MYT1: variants seen among roughly 807,000 people sequenced by gnomAD.
The protein encoded by MYT1 is myelin transcription factor 1.
A neutral mutation model predicts 123.0 loss-of-function variants in MYT1; 23 were observed. That is an observed-to-expected ratio of 0.19 (90% CI 0.13 to 0.26). The LOEUF (loss-of-function observed/expected upper bound fraction) is 0.26, where lower values mean the gene tolerates loss of function less well. Among genes scored for constraint, MYT1 ranks in the 10% least tolerant of loss-of-function variants. The pLI is 1.00. For synonymous variants in MYT1, 518 were observed against 575.3 expected (o/e 0.90, Z 1.43); for missense variants, 1,125 against 1,472.5 (o/e 0.76, Z 3.86).
chr20:64,240,717 G>A lies in MYT1; in HGVS notation c.*269G>A. On this transcript the variant is annotated 3_prime_UTR_variant, in exon 23 of 23. Coordinates refer to ENST00000328439, the MANE Select transcript of MYT1 (RefSeq NM_004535.3). ...TTGTTTTCTGAAAGAAATCTGAAGA[G>A]CAGCTCAAAGTCTCCAGTGGAAGCT... 2.6e-6 allele frequency: 1 copy of A among 380,146 alleles called. No homozygotes were observed. Among genetic ancestry groups the A allele is most frequent in the Non-Finnish European group, 4.7e-6 (1 of 212,018 alleles). 23.5% of individuals were successfully genotyped at this position (380,146 alleles called of 1,614,324 possible).
At position 64,196,998 on chromosome 20, in the gene MYT1, C is replaced by T. The variant is rs1424733118; in HGVS notation, c.1-1864C>T. ...GCATTGCACACGGGCTCAGAGCAGA[C>T]GACATTTGAAGGCTCATAAATGTAA... On this transcript the variant is annotated intron_variant, in intron 2 of 22. Transcript: ENST00000328439. This position sits in a 1 kb window ranked among gnomAD's most constrained non-coding sequence, Gnocchi z 4.3. Among the ~76,000 whole-genome samples the T allele has an allele frequency of 2.6e-5, 4 of 152,232 alleles. No homozygotes were observed. The highest frequency in any genetic ancestry group is 2.1e-4 in the South Asian group (1 of 4,830).
intron 1 of MYT1, among the ~76,000 whole-genome samples, chr20:64,172,502 C>T (rs965370460): frequency 6.6e-6 from 1 of 152,208 alleles, no homozygotes; most frequent in Non-Finnish European, 1.5e-5. Context: ...ATTTTGTCTT[C>T]AAGGCCTCAG....
At chr20:64,205,120 C>T (rs1444045071) in intron 5 of MYT1, 23 bp downstream of exon 5, 16 of 1,612,332 alleles carry the variant, frequency 9.9e-6, no homozygotes, top group Admixed American at 5.0e-5. Context: ...TTGGATCTCA[C>T]GGAGATTCCT....
At chr20:64,227,504 G>C (rs773283893) in intron 17 of MYT1, 27 bp downstream of exon 17, 54 of 1,605,022 alleles carry the variant, frequency 3.4e-5, no homozygotes, top group Non-Finnish European at 4.3e-5. Flanking sequence ...CTCAGGTCCT[G>C]GGCCCCAGGG....
rs576318670 is a variant in MYT1, at chr20:64,240,564, C to T, written c.*116C>T. 1.2e-4 allele frequency: 166 copies of T among 1,402,762 alleles called. No homozygotes were observed. The highest frequency in any genetic ancestry group is 4.0e-4 in the Admixed American group (14 of 35,168). 86.9% of individuals were successfully genotyped at this position (1,402,762 alleles called of 1,614,324 possible). A position where few individuals can be genotyped will look rare whatever the true frequency, so the allele number is the denominator to read the frequency against. Reference sequence around the variant, plus strand: ...CTTCCCGTTTGGGGCCCGGTGTGGCCGCGGGCGGGTTTATCCAAAGGGATG... The same window carrying T: ...CTTCCCGTTTGGGGCCCGGTGTGGCTGCGGGCGGGTTTATCCAAAGGGATG... On this transcript the variant is annotated 3_prime_UTR_variant, in exon 23 of 23. Coordinates refer to ENST00000328439, the MANE Select transcript of MYT1 (RefSeq NM_004535.3).
At chr20:64,239,250 G>A (rs918983876) in intron 21 of MYT1, among the ~76,000 whole-genome samples, 1 of 152,222 alleles carries the variant, frequency 6.6e-6, no homozygotes, top group Non-Finnish European at 1.5e-5. Context: ...GAGGCTCTTT[G>A]TGGGGATTTC....
At chr20:64,194,956 C>T (rs1031415561) in intron 2 of MYT1, among the ~76,000 whole-genome samples, 2 of 151,570 alleles carry the variant, frequency 1.3e-5, no homozygotes, top group South Asian at 4.2e-4. Context: ...AGTGCAGTGG[C>T]GTGTTCTCAG....
chr20:64,171,111 G>A (rs561936942), intron 1 of MYT1, among the ~76,000 whole-genome samples: 1 of 150,072 alleles, frequency 6.7e-6, no homozygotes, highest in African/African-American at 2.5e-5. Flanking sequence ...CAGAGATGGG[G>A]TTTTGCCATG....
At chr20:64,239,304 G>C (rs547555878) in intron 21 of MYT1, among the ~76,000 whole-genome samples, 6 of 152,152 alleles carry the variant, frequency 3.9e-5, no homozygotes, top group South Asian at 2.1e-4. Flanking sequence ...TCCACGGGGG[G>C]GTGCAGTGAT....
intron 1 of MYT1, among the ~76,000 whole-genome samples, chr20:64,187,328 C>T (rs1488557679): frequency 6.8e-5 from 10 of 146,664 alleles, no homozygotes; most frequent in East Asian, 6.1e-4. Context: ...TCCACGTTTC[C>T]GTGGAGAGTT....
chr20:64,203,644 C>T lies in MYT1; in HGVS notation c.87-1391C>T, dbSNP rs534498912. ...GAAGGCTGCAGAGAACATCCCCCTC[C>T]CCCACCCCATGGCTGCTGTTGAGCC... On this transcript the variant is annotated intron_variant, in intron 4 of 22. Coordinates refer to ENST00000328439, the MANE Select transcript of MYT1 (RefSeq NM_004535.3). The surrounding 1 kb of genome is among the most constrained non-coding windows in gnomAD (Gnocchi z 5.1). 7.9e-5 allele frequency among the ~76,000 whole-genome samples: 12 copies of T among 152,288 alleles called. 1 individual carries two copies. In the South Asian group the frequency reaches 1.0e-3, roughly 13 times the overall value.
At chr20:64,182,864 C>G (rs1228848550) in intron 1 of MYT1, among the ~76,000 whole-genome samples, 1 of 152,238 alleles carries the variant, frequency 6.6e-6, no homozygotes, top group Non-Finnish European at 1.5e-5. Context: ...CCACATGCCA[C>G]TGTTTAAAAA....
rs1983002576 is a variant in MYT1 at position 64,192,728 on chromosome 20, C to A, written c.-1+2568C>A. On this transcript the variant is annotated intron_variant, in intron 2 of 22. Coordinates refer to ENST00000328439, the MANE Select transcript of MYT1 (RefSeq NM_004535.3). This position sits in a 1 kb window ranked among gnomAD's most constrained non-coding sequence, Gnocchi z 5.3. ...ATGGAATCAAGGAAAAGATCAGTTG[C>A]ATGGCCATTCAGCCAACCCTTCTTC... Among the ~76,000 whole-genome samples the A allele has an allele frequency of 6.6e-6, 1 of 152,222 alleles. No individual in the cohort carries two copies. Among genetic ancestry groups the A allele is most frequent in the Non-Finnish European group, 1.5e-5 (1 of 68,030 alleles).
chr20:64,207,882 C>T lies in MYT1; in HGVS notation c.686C>T (p.Thr229Ile), dbSNP rs780439403. ...EDAEEVVEVTTERSQDLCPQS... is the reference protein window; with the variant it reads ...EDAEEVVEVTIERSQDLCPQS... ...GCCGAGGAGGTCGTCGAAGTCACCA[C>T]CGAGCGCTCCCAGGACCTGTGTCCC... The change falls in exon 7 of 23, where the codon ACC becomes ATC. Residue 229 changes from threonine (T) to isoleucine (I), a missense_variant. By Grantham distance (89) the Thr-to-Ile change is moderately conservative. Around this residue, in one of 4 missense-constraint regions of MYT1, gnomAD observed 406 missense variants for 432.2 expected, o/e 0.94. Coordinates refer to ENST00000328439, the MANE Select transcript of MYT1 (RefSeq NM_004535.3). 7.4e-6 allele frequency: 12 copies of T among 1,613,046 alleles called. No individual in the cohort carries two copies. The highest frequency in any genetic ancestry group is 1.7e-5 in the Admixed American group (1 of 59,934).
At chr20:64,222,596 A>T (rs1034663187) in intron 14 of MYT1, among the ~76,000 whole-genome samples, 8 of 152,234 alleles carry the variant, frequency 5.3e-5, no homozygotes, top group Admixed American at 2.6e-4. Flanking sequence ...GTCAGCCTTC[A>T]TTGCCAGCCA....
At chr20:64,211,454 T>C (rs1983662366) in intron 8 of MYT1, 114 bp downstream of exon 8, 1 of 1,142,334 alleles carries the variant, frequency 8.8e-7, no homozygotes, top group Admixed American at 2.4e-5. Context: ...CCTTCCCCTT[T>C]GGTTTGTCCA....
At chr20:64,206,928 A>G (rs965593859) in intron 6 of MYT1, among the ~76,000 whole-genome samples, 4 of 152,006 alleles carry the variant, frequency 2.6e-5, no homozygotes, top group African/African-American at 9.7e-5. Context: ...TTTTGTTTTG[A>G]GAGAGTCTCA....
At chr20:64,222,689 T>A (rs1984045844) in intron 14 of MYT1, among the ~76,000 whole-genome samples, 2 of 152,224 alleles carry the variant, frequency 1.3e-5, no homozygotes, top group Non-Finnish European at 2.9e-5. Context: ...AGAGTACATT[T>A]CTGGGGTCCC....
At chr20:64,210,784 A>G (rs1983643331) in intron 7 of MYT1, among the ~76,000 whole-genome samples, 1 of 152,216 alleles carries the variant, frequency 6.6e-6, no homozygotes, top group Non-Finnish European at 1.5e-5. Flanking sequence ...GCAGCCTTGG[A>G]TAAGTTACTC....
Sources: gnomAD v4.1 joint callset for allele counts (sites outside exome capture counted in the v4.1 genomes callset) on GRCh38, gnomAD v4.1.1 for gene constraint, gnomAD v4.1.1 regional missense constraint, Gnocchi (gnomAD v3.1) non-coding constraint, MANE v1.5 for transcripts, NCBI Gene and HGNC (gene_info 2026-07-23, HGNC 2026-07-21) for gene names.